The following MRC2 variants were observed in gnomAD, a reference collection of about 807,000 sequenced individuals.
MRC2 encodes the protein C-type mannose receptor 2.
Under a neutral mutation model 206.2 loss-of-function variants are expected in MRC2, and 84 were observed. The observed-to-expected ratio is 0.41, with a 90% CI of 0.34 to 0.49. The LOEUF (loss-of-function observed/expected upper bound fraction) is 0.49, where lower values mean the gene tolerates loss of function less well. MRC2 is among the 20% of genes least tolerant of loss of function. MRC2 has a pLI of 0.31. For missense variants in MRC2, 1,676 were observed against 2,001.5 expected (o/e 0.84, Z 3.10); for synonymous variants, 798 against 800.0 (o/e 1.00, Z 0.04).
Position 62,675,537 on chromosome 17 carries a change from C to T in MRC2, c.1570-253C>T, listed in dbSNP as rs531227736. On this transcript the variant is annotated intron_variant, in intron 9 of 29. Coordinates refer to ENST00000303375, the MANE Select transcript of MRC2 (RefSeq NM_006039.5). This position sits in a 1 kb window ranked among gnomAD's most constrained non-coding sequence, Gnocchi z 4.1. Reference sequence around the variant, plus strand: ...CATCTTCCCGAGCCGGGTCACTGGCCGGTCGCTGGTGGCCTGCCAATCAGC... The same window carrying T: ...CATCTTCCCGAGCCGGGTCACTGGCTGGTCGCTGGTGGCCTGCCAATCAGC... 7.9e-5 allele frequency among the ~76,000 whole-genome samples: 12 copies of T among 152,314 alleles called. No individual in the cohort carries two copies. Among genetic ancestry groups the T allele is most frequent in the Admixed American group, 2.6e-4 (4 of 15,312 alleles).
intron 1 of MRC2, among the ~76,000 whole-genome samples, chr17:62,654,563 T>A (rs769738692): frequency 1.3e-5 from 2 of 152,076 alleles, no homozygotes; most frequent in Non-Finnish European, 2.9e-5. Flanking sequence ...CCTCTGTGGA[T>A]GGGCTGAGTC....
At chr17:62,631,733 C>T (rs1055351218) in intron 1 of MRC2, among the ~76,000 whole-genome samples, 1 of 152,070 alleles carries the variant, frequency 6.6e-6, no homozygotes, top group Non-Finnish European at 1.5e-5. Context: ...CTGCAGTGTC[C>T]TCAGGATCTC....
At chr17:62,689,858 T>C in intron 24 of MRC2, 36 bp from the exon 25 acceptor site, 1 of 1,564,134 alleles carries the variant, frequency 6.4e-7, no homozygotes, top group Non-Finnish European at 8.7e-7. Flanking sequence ...ATCCTGACTA[T>C]TCCCTTCCTC....
At position 62,653,816 on chromosome 17, in the gene MRC2, G is replaced by C. The variant is rs148971937; in HGVS notation, c.119-10732G>C. Among the ~76,000 whole-genome samples, 311 of 152,220 alleles carry C rather than the reference G, an allele frequency of 2.0e-3. 2 individuals carry two copies. The highest frequency in any genetic ancestry group is 6.7e-3 in the African/African-American group (280 of 41,524). On this transcript the variant is annotated intron_variant, in intron 1 of 29. Transcript: ENST00000303375. ...CCACCATGGTTCAGGATGTCGGTGGGGATGTTGCACAGTTGGGCGGGGTAT... is the reference window on the plus strand; with the variant it reads ...CCACCATGGTTCAGGATGTCGGTGGCGATGTTGCACAGTTGGGCGGGGTAT...
At chr17:62,644,725 G>A (rs966094056) in intron 1 of MRC2, among the ~76,000 whole-genome samples, 5 of 152,090 alleles carry the variant, frequency 3.3e-5, no homozygotes, top group African/African-American at 1.2e-4. Context: ...TCCCTGGAAG[G>A]TGGTGTTTTT....
chr17:62,692,364 C>A lies in MRC2; in HGVS notation c.4353C>A (p.Arg1451=). The change falls in exon 30 of 30, where the codon CGC becomes CGA. Residue 1451 remains arginine (R), a synonymous_variant. Transcript: ENST00000303375. The surrounding 1 kb of genome is among the most constrained non-coding windows in gnomAD (Gnocchi z 4.2). ...SIERGAFEGA[R]YSRSSSSPTE... The stretch of plus-strand genomic sequence containing the variant: ...AGCGCGGGGCCTTTGAGGGTGCCCG[C>A]TACAGCCGCAGCAGCTCCAGCCCCA... 6.4e-7 allele frequency: 1 copy of A among 1,573,758 alleles called. No individual in the cohort carries two copies. The highest frequency in any genetic ancestry group is 1.9e-5 in the Admixed American group (1 of 53,094).
chr17:62,681,616 G>A, intron 18 of MRC2: 1 of 527,374 alleles, frequency 1.9e-6, no homozygotes, highest in Non-Finnish European at 3.3e-6. Flanking sequence ...CTTTTCTGGA[G>A]CAGCAAGTGT....
chr17:62,656,879 A>G (rs1050099512), intron 1 of MRC2, among the ~76,000 whole-genome samples: 12 of 152,318 alleles, frequency 7.9e-5, no homozygotes, highest in Non-Finnish European at 2.9e-5. Flanking sequence ...CTCTCTTTCC[A>G]TCTCTTTGTC....
At chr17:62,637,101 G>A (rs1455394219) in intron 1 of MRC2, among the ~76,000 whole-genome samples, 3 of 151,908 alleles carry the variant, frequency 2.0e-5, no homozygotes, top group Non-Finnish European at 4.4e-5. Flanking sequence ...GGTGACTCAT[G>A]CCTGTAATCC....
At position 62,675,914 on chromosome 17, in the gene MRC2, G is replaced by T. The variant is rs1267188814; in HGVS notation, c.1685+9G>T. ...GTCACCATCACCAACAGGTACAGCA[G>T]GGGCGGGTGCCCTGACTAGCCCTTG... is the stretch of plus-strand genomic sequence containing the variant. On this transcript the variant is annotated intron_variant, in intron 10 of 29. Coordinates refer to ENST00000303375, the MANE Select transcript of MRC2 (RefSeq NM_006039.5). This position sits in a 1 kb window ranked among gnomAD's most constrained non-coding sequence, Gnocchi z 4.1. 1 of 1,612,398 alleles carries T rather than the reference G, an allele frequency of 6.2e-7. No individual in the cohort carries two copies.
intron 1 of MRC2, among the ~76,000 whole-genome samples, chr17:62,632,770 ATG>A (rs2088260733): frequency 1.3e-5 from 2 of 152,084 alleles, no homozygotes; most frequent in African/African-American, 4.8e-5. Flanking sequence ...CCCAGATTGG[ATG>A]GGTGGCCTCT....
At chr17:62,683,809 G>A (rs1033785417) in intron 20 of MRC2, 1 of 151,412 alleles carries the variant, frequency 6.6e-6, no homozygotes, top group Admixed American at 6.6e-5. Flanking sequence ...AGGCTTCAAT[G>A]AGCCATGGTC....
At chr17:62,674,473 G>A (rs565365356) in intron 9 of MRC2, among the ~76,000 whole-genome samples, 5 of 152,108 alleles carry the variant, frequency 3.3e-5, no homozygotes, top group South Asian at 2.1e-4. Context: ...GTCTACCCCC[G>A]AGTGCCCCCT....
intron 1 of MRC2, among the ~76,000 whole-genome samples, chr17:62,632,035 C>G (rs2084220142): frequency 6.6e-6 from 1 of 152,092 alleles, no homozygotes; most frequent in African/African-American, 2.4e-5. Context: ...TGGGAGGGGG[C>G]CGCTTTCCCA....
chr17:62,680,174 C>A lies in MRC2; in HGVS notation c.2303C>A (p.Ser768Tyr). Reference protein sequence around the residue: ...SWRWSDGVGFSYHNFDRSRHD... With the variant: ...SWRWSDGVGFYYHNFDRSRHD... ...CCCTCCACCCGCCTCCTCCAGTTCT[C>A]TTACCACAATTTCGACCGGAGCCGG... The change falls in exon 15 of 30, where the codon TCT (serine) becomes TAT (tyrosine). Residue 768 changes from serine (S) to tyrosine (Y), a missense_variant. Physicochemically the swap from Ser to Tyr is moderately radical, Grantham distance 144. Transcript: ENST00000303375. The surrounding 1 kb of genome is among the most constrained non-coding windows in gnomAD (Gnocchi z 4.8). The A allele has an allele frequency of 6.2e-7, 1 of 1,614,102 alleles. No homozygotes were observed. Among genetic ancestry groups the A allele is most frequent in the Non-Finnish European group, 8.5e-7 (1 of 1,179,990 alleles).
Position 62,671,777 on chromosome 17 carries a change from G to A in MRC2, c.1246G>A (p.Asp416Asn), listed in dbSNP as rs751845446. The A allele has an allele frequency of 8.7e-6, 14 of 1,612,442 alleles. No homozygotes were observed. In the Middle Eastern group the frequency reaches 5.0e-4, roughly 57 times the overall value. The change falls in exon 7 of 30, where the codon GAC becomes AAC. Residue 416 changes from aspartate (D) to asparagine (N), a missense_variant. Physicochemically the swap from Asp to Asn is conservative, Grantham distance 23. Around this residue, in one of 3 missense-constraint regions of MRC2, gnomAD observed 1,354 missense variants for 1,636.6 expected, o/e 0.83. Coordinates refer to ENST00000303375, the MANE Select transcript of MRC2 (RefSeq NM_006039.5). The surrounding 1 kb of genome is among the most constrained non-coding windows in gnomAD (Gnocchi z 4.5). ...GAAGGCATGTCTACGGGGCGGTGGC[G>A]ACCTGGTCAGCATCCACAGCATGGC... is the stretch of plus-strand genomic sequence containing the variant. ...SKKACLRGGGDLVSIHSMAEL... is the reference protein window; with the variant it reads ...SKKACLRGGGNLVSIHSMAEL...
intron 6 of MRC2, among the ~76,000 whole-genome samples, chr17:62,670,116 A>G (rs1283210981): frequency 3.9e-5 from 6 of 152,192 alleles, no homozygotes; most frequent in Non-Finnish European, 8.8e-5. Flanking sequence ...GACAGATGTA[A>G]GGCCTCGGAT....
chr17:62,629,688 G>A (rs2084201044), intron 1 of MRC2, among the ~76,000 whole-genome samples: 1 of 152,234 alleles, frequency 6.6e-6, no homozygotes. Context: ...CCTACCCTGG[G>A]AAGCCTGTTC....
chr17:62,665,317 C>T (rs779798675), intron 2 of MRC2, among the ~76,000 whole-genome samples: 4 of 151,176 alleles, frequency 2.6e-5, no homozygotes, highest in African/African-American at 7.3e-5. Flanking sequence ...GAAGGAGAAT[C>T]GCTTGAACCC....
Sources: allele counts gnomAD v4.1 joint callset (sites outside exome capture counted in the v4.1 genomes callset), GRCh38; gene constraint gnomAD v4.1.1; regional missense constraint gnomAD v4.1.1; non-coding constraint Gnocchi (gnomAD v3.1); transcripts MANE v1.5; gene names NCBI Gene and HGNC (gene_info 2026-07-23, HGNC 2026-07-21).